The following CPAMD8 variants were observed in gnomAD, a reference collection of about 807,000 sequenced individuals.
The protein encoded by CPAMD8 is C3 and PZP like alpha-2-macroglobulin domain containing 8, also known as C3 and PZP-like alpha-2-macroglobulin domain-containing protein 8.
Under a neutral mutation model 224.7 loss-of-function variants are expected in CPAMD8, and 146 were observed. The observed-to-expected ratio is 0.65, with a 90% CI of 0.57 to 0.75. The LOEUF (loss-of-function observed/expected upper bound fraction) is 0.75, where lower values mean the gene tolerates loss of function less well. Among genes scored for constraint, CPAMD8 ranks in the 30% least tolerant of loss-of-function variants. CPAMD8 has a pLI of 0.00. For missense variants in CPAMD8, 2,301 were observed against 2,537.5 expected, an observed-to-expected ratio of 0.91 and a Z score of 2.00; for synonymous variants, 966 against 1,044.6, an observed-to-expected ratio of 0.92 and a Z score of 1.45.
chr19:16,952,282 G>A (rs2054323943), intron 19 of CPAMD8, 82 bp from the exon 20 acceptor site: 1 of 785,016 alleles, frequency 1.3e-6, no homozygotes, highest in African/African-American at 1.7e-5. Flanking sequence ...GGATGACCCA[G>A]GCTGCATGGC....
At chr19:16,979,940 T>C (rs1188091081) in intron 14 of CPAMD8, among the ~76,000 whole-genome samples, 1 of 151,932 alleles carries the variant, frequency 6.6e-6, no homozygotes, top group Non-Finnish European at 1.5e-5. Flanking sequence ...GTCATCATAC[T>C]GTGGAAAGTT....
intron 39 of CPAMD8, 89 bp downstream of exon 39, chr19:16,897,602 C>A: frequency 1.4e-6 from 1 of 710,326 alleles, no homozygotes; most frequent in Admixed American, 3.1e-5. Flanking sequence ...CTCTGCCAAG[C>A]CCCCAGGGGA....
At chr19:16,903,486 T>G (rs2052342629) in intron 34 of CPAMD8, 75 bp downstream of exon 34, 1 of 1,601,490 alleles carries the variant, frequency 6.2e-7, no homozygotes, top group Admixed American at 1.7e-5. Flanking sequence ...GTCCCTGGGG[T>G]TCCACTGTGT....
In CPAMD8 at chr19:16,896,333, G is replaced by C. The variant is rs572813762; in HGVS notation, c.5276-7C>G. 1 of 1,601,044 alleles carries C rather than the reference G, an allele frequency of 6.2e-7. No homozygotes were observed. The highest frequency in any genetic ancestry group is 1.3e-5 in the African/African-American group (1 of 74,728). ...GAGGCCGGCAGCCGCTGCTCTGGAA[G>C]GAAGGGGGCCTCGGTCGGGAGGGCG... On this transcript the variant is annotated splice_region_variant and splice_polypyrimidine_tract_variant and intron_variant, in intron 40 of 41. Coordinates refer to ENST00000443236, the MANE Select transcript of CPAMD8 (RefSeq NM_015692.5).
At chr19:16,953,562 G>A (rs2054365655) in intron 19 of CPAMD8, among the ~76,000 whole-genome samples, 1 of 151,242 alleles carries the variant, frequency 6.6e-6, no homozygotes, top group African/African-American at 2.4e-5. Context: ...TTAGCCAGGA[G>A]TGGTGGTGTG....
intron 27 of CPAMD8, among the ~76,000 whole-genome samples, chr19:16,917,909 A>G (rs1363690620): frequency 1.3e-5 from 2 of 152,178 alleles, no homozygotes; most frequent in Non-Finnish European, 2.9e-5. Context: ...ACCCCCAAGG[A>G]TACCGAAATC....
rs138639265 is a variant in CPAMD8 at position 16,977,630 on chromosome 19, C to T, written c.1586-90G>A. On this transcript the variant is annotated intron_variant, in intron 14 of 41. Coordinates refer to ENST00000443236, the MANE Select transcript of CPAMD8 (RefSeq NM_015692.5). ...TCAGGCTCTGCCCCAATTTGCCCTG[C>T]GCTATGCTCCTGTCTACGCATTGAG... 6.9e-3 allele frequency: 6,479 copies of T among 944,710 alleles called. 34 individuals are homozygous for T. The highest frequency in any genetic ancestry group is 8.7e-3 in the Non-Finnish European group (5,606 of 645,434). The allele number at this position is 944,710 out of a possible 1,614,324, so 58.5% of individuals were successfully genotyped here. A position where few individuals can be genotyped will look rare whatever the true frequency, so the allele number is the denominator to read the frequency against.
intron 11 of CPAMD8, among the ~76,000 whole-genome samples, chr19:16,995,221 C>T (rs1357502245): frequency 4.6e-5 from 7 of 152,102 alleles, no homozygotes; most frequent in Admixed American, 4.6e-4. Flanking sequence ...GGTCAGAACT[C>T]AGTGTTAGGA....
chr19:16,914,382 A>G (rs2052851586), intron 29 of CPAMD8, 42 bp downstream of exon 29: 1 of 1,557,510 alleles, frequency 6.4e-7, no homozygotes, highest in Non-Finnish European at 8.9e-7. Context: ...TTGCTCCTCC[A>G]GTGCCCAGCC....
intron 26 of CPAMD8, among the ~76,000 whole-genome samples, chr19:16,924,032 G>A (rs1473343454): frequency 6.6e-6 from 1 of 152,124 alleles, no homozygotes; most frequent in Non-Finnish European, 1.5e-5. Flanking sequence ...CACAGAGCAG[G>A]CTGATCAGTC....
chr19:16,943,687 C>T (rs1444929181), intron 22 of CPAMD8, among the ~76,000 whole-genome samples: 4 of 152,192 alleles, frequency 2.6e-5, no homozygotes, highest in Non-Finnish European at 5.9e-5. Context: ...GAAAGTGTAT[C>T]CCTGACTTTG....
intron 9 of CPAMD8, among the ~76,000 whole-genome samples, chr19:17,001,677 C>A (rs2056328293): frequency 1.3e-5 from 2 of 151,866 alleles, no homozygotes; most frequent in African/African-American, 4.8e-5. Flanking sequence ...CAGGGAGACA[C>A]CGAGTACTAG....
chr19:16,939,758 T>C (rs8109515), intron 22 of CPAMD8, among the ~76,000 whole-genome samples: 87,428 of 151,786 alleles, frequency 0.58, 25,649 homozygotes, highest in African/African-American at 0.67. Context: ...GCTGGGACAT[T>C]GATCTTCTCC....
chr19:16,935,247 A>G (rs1028469223), intron 23 of CPAMD8, among the ~76,000 whole-genome samples: 1 of 152,136 alleles, frequency 6.6e-6, no homozygotes, highest in African/African-American at 2.4e-5. Flanking sequence ...AAATCCATCA[A>G]TCTTATTCAG....
Position 16,959,176 on chromosome 19 carries a change from C to CT in CPAMD8, c.2214-1262dup, listed in dbSNP as rs1303892809. On this transcript the variant is annotated intron_variant, in intron 18 of 41. Transcript: ENST00000443236. ...CATTGTGGTTTTGATTTGCATTTCC[C>CT]TTTTTTTTTTTTTTTGAGATGGAGT... 6.1e-3 allele frequency among the ~76,000 whole-genome samples: 805 copies of CT among 131,740 alleles called. 2 individuals are homozygous for CT. The highest frequency in any genetic ancestry group is 0.028 in the Middle Eastern group (6 of 212). The allele number at this position is 131,740 out of a possible 152,430, so 86.4% of individuals were successfully genotyped here.
chr19:16,974,989 A>G, intron 17 of CPAMD8, 108 bp downstream of exon 17: 2 of 1,410,656 alleles, frequency 1.4e-6, no homozygotes, highest in Non-Finnish European at 9.5e-7. Context: ...AAAAGAAAGA[A>G]AAGCTTCCAA....
intron 18 of CPAMD8, among the ~76,000 whole-genome samples, chr19:16,958,255 T>G (rs563906925): frequency 2.0e-5 from 3 of 152,226 alleles, no homozygotes; most frequent in Non-Finnish European, 4.4e-5. Context: ...TAGTTATTAT[T>G]TCTGATCCTC....
chr19:16,982,911 A>C (rs1451608286), intron 13 of CPAMD8, among the ~76,000 whole-genome samples: 1 of 152,206 alleles, frequency 6.6e-6, no homozygotes, highest in East Asian at 1.9e-4. Context: ...GTGGGAGATA[A>C]CTGAATCATG....
intron 22 of CPAMD8, among the ~76,000 whole-genome samples, chr19:16,941,506 C>T (rs1248842308): frequency 7.2e-5 from 11 of 152,162 alleles, no homozygotes; most frequent in African/African-American, 2.2e-4. Flanking sequence ...CAGATCCATT[C>T]TGTTGGTGGT....
Sources: allele counts gnomAD v4.1 joint callset (sites outside exome capture counted in the v4.1 genomes callset), GRCh38; gene constraint gnomAD v4.1.1; transcripts MANE v1.5; gene names NCBI Gene and HGNC (gene_info 2026-07-23, HGNC 2026-07-21).